Variants in SOX5 observed in about 807,000 individuals in gnomAD.
The protein encoded by SOX5 is SRY-box transcription factor 5, also known as transcription factor SOX-5.
A neutral mutation model predicts 92.0 loss-of-function variants in SOX5; 9 were observed. The observed-to-expected ratio is 0.10, with a 90% CI of 0.06 to 0.17. The LOEUF (loss-of-function observed/expected upper bound fraction) is 0.17, where lower values mean the gene tolerates loss of function less well. Among genes scored for constraint, SOX5 ranks in the 10% least tolerant of loss-of-function variants. The probability of loss-of-function intolerance (pLI) is 1.00; values close to 1 mark genes in which losing one functional copy is unlikely to be tolerated. For missense variants in SOX5, 642 were observed against 944.5 expected, an observed-to-expected ratio of 0.68 and a Z score of 4.20; for synonymous variants, 344 against 336.3, an observed-to-expected ratio of 1.02 and a Z score of -0.25.
At chr12:24,228,241 G>T (rs1198559400) in intron 3 of SOX5, among the ~76,000 whole-genome samples, 2 of 152,148 alleles carry the variant, frequency 1.3e-5, no homozygotes, top group Non-Finnish European at 2.9e-5. Context: ...TCCTCATACA[G>T]ACACAAAACA....
intron 3 of SOX5, among the ~76,000 whole-genome samples, chr12:23,815,144 T>C (rs2095963392): frequency 1.3e-5 from 2 of 152,072 alleles, no homozygotes; most frequent in South Asian, 4.1e-4. Flanking sequence ...ACTTTGCAAA[T>C]CTCATAATCT....
At chr12:23,925,582 T>C (rs1488043941) in intron 1 of SOX5, among the ~76,000 whole-genome samples, 1 of 152,050 alleles carries the variant, frequency 6.6e-6, no homozygotes, top group Non-Finnish European at 1.5e-5. Context: ...GTAATCTGTA[T>C]GGAGGAAAGT....
chr12:24,098,117 T>G (rs1262845717), intron 4 of SOX5, among the ~76,000 whole-genome samples: 1 of 152,112 alleles, frequency 6.6e-6, no homozygotes, highest in African/African-American at 2.4e-5. Context: ...AGGTAGTAGG[T>G]GTGATGCTTG....
intron 4 of SOX5, among the ~76,000 whole-genome samples, chr12:23,989,263 G>A (rs917528447): frequency 4.6e-5 from 7 of 150,734 alleles, no homozygotes; most frequent in South Asian, 2.1e-4. Flanking sequence ...GTGGTGTTGC[G>A]TGCCTCTGGT....
chr12:23,849,050 T>C (rs1046193116), intron 2 of SOX5, among the ~76,000 whole-genome samples: 18 of 152,188 alleles, frequency 1.2e-4, no homozygotes, highest in African/African-American at 4.3e-4. Flanking sequence ...AATATTGCTA[T>C]GAACACGTCG....
At chr12:24,107,983 T>C (rs1946876678) in intron 4 of SOX5, among the ~76,000 whole-genome samples, 2 of 152,172 alleles carry the variant, frequency 1.3e-5, no homozygotes. Flanking sequence ...AAATAAAGTT[T>C]TAAAATCAAG....
At chr12:24,216,496 T>A (rs559450951) in intron 3 of SOX5, among the ~76,000 whole-genome samples, 117 of 150,754 alleles carry the variant, frequency 7.8e-4, no homozygotes, top group African/African-American at 2.6e-3. Context: ...AAAAAAAAAA[T>A]AAAAAATCCC....
chr12:24,453,285 T>C (rs541782167), intron 1 of SOX5, among the ~76,000 whole-genome samples: 20 of 147,092 alleles, frequency 1.4e-4, no homozygotes, highest in Non-Finnish European at 2.7e-4. Flanking sequence ...AAAGGCACTA[T>C]GTTTTGAAAT....
intron 2 of SOX5, among the ~76,000 whole-genome samples, chr12:24,344,214 C>T (rs1199315109): frequency 2.2e-5 from 3 of 137,530 alleles, no homozygotes; most frequent in African/African-American, 8.2e-5. Flanking sequence ...ACCAGGGAGT[C>T]GGAGGTTGCA....
intron 4 of SOX5, among the ~76,000 whole-genome samples, chr12:24,096,858 CTG>C (rs1442632882): frequency 6.6e-6 from 1 of 151,920 alleles, no homozygotes; most frequent in East Asian, 1.9e-4. Flanking sequence ...GTGTGTGTGT[CTG>C]TGTATGTTCA....
At chr12:23,884,570 T>C (rs80037306) in intron 2 of SOX5, among the ~76,000 whole-genome samples, 4,484 of 152,174 alleles carry the variant, frequency 0.029, 209 homozygotes, top group African/African-American at 0.1. Flanking sequence ...TCTACCTGCC[T>C]CCCCCACAAG....
chr12:23,964,560 G>A (rs750015289), intron 4 of SOX5, among the ~76,000 whole-genome samples: 3 of 152,100 alleles, frequency 2.0e-5, no homozygotes, highest in South Asian at 2.1e-4. Context: ...ATATAATATC[G>A]TCCTAGAGAA....
chr12:24,419,220 C>G (rs1446974024), intron 1 of SOX5, among the ~76,000 whole-genome samples: 3 of 152,086 alleles, frequency 2.0e-5, no homozygotes, highest in African/African-American at 7.2e-5. Context: ...CCTCCACCTC[C>G]TCGGTTAAGC....
chr12:24,423,428 T>C (rs1966234725), intron 1 of SOX5, among the ~76,000 whole-genome samples: 1 of 152,232 alleles, frequency 6.6e-6, no homozygotes, highest in South Asian at 2.1e-4. Context: ...TCAAAGAGTA[T>C]TAAAACTATA....
intron 2 of SOX5, among the ~76,000 whole-genome samples, chr12:23,855,683 C>T (rs370606480): frequency 2.0e-5 from 3 of 152,150 alleles, no homozygotes; most frequent in South Asian, 2.1e-4. Flanking sequence ...AATAGTAATA[C>T]GAGGAAGGAT....
At chr12:24,176,546 C>T (rs1954831684) in intron 4 of SOX5, among the ~76,000 whole-genome samples, 1 of 152,142 alleles carries the variant, frequency 6.6e-6, no homozygotes, top group South Asian at 2.1e-4. Context: ...GTTTAAGAAG[C>T]CCGCTACAAT....
rs570842879 is a variant in SOX5 at position 24,107,957 on chromosome 12, C to T, written c.-2+105386G>A. ...TCATACAGTGTATAGGCTGCAAATA[C>T]GTGTGGCAGAGCTTCAAATAAAGTT... On this transcript the variant is annotated intron_variant, in intron 4 of 4. Coordinates refer to the SOX5 transcript ENST00000446891. Among the ~76,000 whole-genome samples the T allele has an allele frequency of 9.2e-5, 14 of 152,254 alleles. No individual in the cohort carries two copies. The South Asian group carries it at 1.9e-3, about 20-fold the overall frequency.
intron 3 of SOX5, among the ~76,000 whole-genome samples, chr12:23,833,236 G>A (rs762916259): frequency 2.6e-5 from 4 of 151,890 alleles, no homozygotes; most frequent in East Asian, 1.9e-4. Flanking sequence ...TAACAGGAAC[G>A]TTACATTTCT....
chr12:23,853,341 A>G (rs921308979), intron 2 of SOX5, among the ~76,000 whole-genome samples: 4 of 151,604 alleles, frequency 2.6e-5, no homozygotes, highest in African/African-American at 9.7e-5. Context: ...TAATAATTAG[A>G]TCTCATTTAC....
Sources: gnomAD v4.1 joint callset for allele counts (sites outside exome capture counted in the v4.1 genomes callset) on GRCh38, gnomAD v4.1.1 for gene constraint, MANE v1.5 for transcripts, NCBI Gene and HGNC (gene_info 2026-07-23, HGNC 2026-07-21) for gene names.